Variants in ARHGAP23 observed in about 807,000 individuals in gnomAD.
ARHGAP23 encodes the protein rho GTPase-activating protein 23.
A neutral mutation model predicts 136.3 loss-of-function variants in ARHGAP23; 34 were observed. The observed-to-expected ratio is 0.25, with a 90% confidence interval of 0.19 to 0.33. The LOEUF is 0.33. ARHGAP23 is among the 10% of genes least tolerant of loss of function. The probability of loss-of-function intolerance (pLI) is 1.00; values close to 1 mark genes in which losing one functional copy is unlikely to be tolerated. For missense variants in ARHGAP23, 1,808 were observed against 2,139.0 expected (o/e 0.85, Z 3.05); for synonymous variants, 832 against 920.5 (o/e 0.90, Z 1.74).
intron 17 of ARHGAP23, among the ~76,000 whole-genome samples, chr17:38,486,963 C>T (rs1441187894): frequency 1.3e-5 from 2 of 152,274 alleles, no homozygotes; most frequent in East Asian, 3.9e-4. Context: ...TGGGTGGGTT[C>T]AGGGGTGTGC....
intron 1 of ARHGAP23, among the ~76,000 whole-genome samples, chr17:38,436,990 C>T (rs2038811977): frequency 6.6e-6 from 1 of 152,148 alleles, no homozygotes; most frequent in Non-Finnish European, 1.5e-5. Context: ...CTATCATTAA[C>T]CTGAGGATTC....
intron 1 of ARHGAP23, among the ~76,000 whole-genome samples, chr17:38,432,116 C>T (rs1406060440): frequency 1.3e-5 from 2 of 152,334 alleles, no homozygotes; most frequent in East Asian, 3.9e-4. Context: ...CTGTGATGTT[C>T]CATCTCATAT....
At chr17:38,447,430 T>A (rs1597759810) in intron 1 of ARHGAP23, among the ~76,000 whole-genome samples, 1 of 48,996 alleles carries the variant, frequency 2.0e-5, no homozygotes, top group South Asian at 9.6e-4. Flanking sequence ...CAACAGAGAC[T>A]CCGTCTGAAA....
At chr17:38,469,416 G>A (rs2039690476) in intron 8 of ARHGAP23, 108 bp from the exon 9 acceptor site, 7 of 1,461,274 alleles carry the variant, frequency 4.8e-6, no homozygotes, top group Non-Finnish European at 4.6e-6. Flanking sequence ...CTTCTCCTGC[G>A]GCCCCTTGGG....
At chr17:38,493,555 C>T (rs1440027066) in intron 20 of ARHGAP23, among the ~76,000 whole-genome samples, 1 of 152,212 alleles carries the variant, frequency 6.6e-6, no homozygotes, top group African/African-American at 2.4e-5. Context: ...TCCTTCCCTT[C>T]TCTGCCTCCT....
chr17:38,447,795 A>C (rs1244049469), intron 1 of ARHGAP23, among the ~76,000 whole-genome samples: 2 of 152,178 alleles, frequency 1.3e-5, no homozygotes, highest in Non-Finnish European at 2.9e-5. Flanking sequence ...TGGGTAAATC[A>C]GGGGTACGGA....
chr17:38,510,041 C>G lies in ARHGAP23; in HGVS notation c.3545C>G (p.Ala1182Gly). 1 of 1,243,944 alleles carries G rather than the reference C, an allele frequency of 8.0e-7. No homozygotes were observed. The highest frequency in any genetic ancestry group is 1.0e-6 in the Non-Finnish European group (1 of 994,558). The allele number at this position is 1,243,944 out of a possible 1,614,324, so 77.1% of individuals were successfully genotyped here. A position where few individuals can be genotyped will look rare whatever the true frequency, so the allele number is the denominator to read the frequency against. Reference protein sequence around the residue: ...VNRKRKKRREARGLGSSTDDD... With the variant: ...VNRKRKKRREGRGLGSSTDDD... ...CGCAAGCGCAAGAAGCGGCGGGAGG[C>G]GCGGGGGCTGGGCAGCAGCACCGAC... Residue 1182 changes from alanine (A) to glycine (G), a missense_variant, in exon 24 of 24, where the codon GCG becomes GGG. Ala to Gly is a moderately conservative substitution (Grantham distance 60). This residue lies in a region of ARHGAP23 where 104 missense variants were observed against 131.8 expected (regional missense o/e 0.79). Transcript: ENST00000622683. This position sits in a 1 kb window ranked among gnomAD's most constrained non-coding sequence, Gnocchi z 4.6.
At chr17:38,457,420 T>A (rs2039352479) in intron 1 of ARHGAP23, 1 of 153,412 alleles carries the variant, frequency 6.5e-6, no homozygotes, top group East Asian at 1.9e-4. Flanking sequence ...TGTGTGCCGG[T>A]CTGCTGTGCA....
In ARHGAP23 at chr17:38,466,623, A is replaced by G; in HGVS notation, c.940A>G (p.Ser314Gly). 7 of 1,516,074 alleles carry G rather than the reference A, an allele frequency of 4.6e-6. No individual in the cohort carries two copies. The highest frequency in any genetic ancestry group is 6.2e-6 in the Non-Finnish European group (7 of 1,136,944). The allele number at this position is 1,516,074 out of a possible 1,614,324, so 93.9% of individuals were successfully genotyped here. A position where few individuals can be genotyped will look rare whatever the true frequency, so the allele number is the denominator to read the frequency against. ...CCCAGCCATGGCCCCCCGGGCCCGC[A>G]GCGCCTCCCAGGACCGGTTGGAGGA... ...RCPAMAPRAR[S>G]ASQDRLEEVA... Residue 314 changes from serine (S) to glycine (G), a missense_variant, in exon 7 of 24, where the codon AGC (serine) becomes GGC (glycine). Around this residue, in one of 7 missense-constraint regions of ARHGAP23, gnomAD observed 859 missense variants for 936.4 expected, o/e 0.92. Coordinates refer to ENST00000622683, the MANE Select transcript of ARHGAP23 (RefSeq NM_001199417.2).
intron 2 of ARHGAP23, among the ~76,000 whole-genome samples, chr17:38,458,971 C>T (rs910256483): frequency 2.6e-5 from 4 of 152,202 alleles, no homozygotes; most frequent in Admixed American, 6.5e-5. Flanking sequence ...ACCAGGGGTC[C>T]TGACCCCAAT....
chr17:38,484,685 C>T (rs1227213970), intron 16 of ARHGAP23, among the ~76,000 whole-genome samples: 2 of 152,130 alleles, frequency 1.3e-5, no homozygotes, highest in Non-Finnish European at 2.9e-5. Flanking sequence ...GCAGGAGCCG[C>T]ACTGGGTGTG....
At chr17:38,445,792 G>A (rs1457521379) in intron 1 of ARHGAP23, among the ~76,000 whole-genome samples, 1 of 151,754 alleles carries the variant, frequency 6.6e-6, no homozygotes, top group East Asian at 1.9e-4. Context: ...ATGCTACCAC[G>A]CTCTGCTATT....
intron 1 of ARHGAP23, chr17:38,453,869 T>C (rs1226299168): frequency 1.4e-5 from 2 of 143,304 alleles, no homozygotes; most frequent in African/African-American, 5.0e-5. Flanking sequence ...GCCGGGCGCC[T>C]AGCAGCGGCC....
rs1226412817 is a variant in ARHGAP23 at position 38,509,957 on chromosome 17, C to T, written c.3461C>T (p.Pro1154Leu). 4.8e-6 allele frequency: 6 copies of T among 1,250,730 alleles called. No individual in the cohort carries two copies. Among genetic ancestry groups the T allele is most frequent in the Non-Finnish European group, 6.0e-6 (6 of 991,892 alleles). The allele number at this position is 1,250,730 out of a possible 1,614,324, so 77.5% of individuals were successfully genotyped here. ...TCTCCCACACAGGGTTCGTGGGCCC[C>T]CAAGAAGGAGCCGTACGCCCGGGAG... ...SSAKSKGSWA[P>L]KKEPYAREML... Residue 1154 changes from proline to leucine, a missense_variant, in exon 24 of 24, where the codon CCC (proline) becomes CTC (leucine). Physicochemically the swap from Pro to Leu is moderately conservative, Grantham distance 98. Transcript: ENST00000622683.
intron 20 of ARHGAP23, chr17:38,491,734 T>G (rs2040283216): frequency 1.4e-6 from 1 of 711,370 alleles, no homozygotes; most frequent in Admixed American, 2.9e-5. Flanking sequence ...CTGGAATCCC[T>G]GCTGCCCTGG....
intron 2 of ARHGAP23, among the ~76,000 whole-genome samples, chr17:38,459,190 ATTGGGGGACTCCCCC>A (rs1267564985): frequency 6.6e-6 from 1 of 152,112 alleles, no homozygotes; most frequent in Non-Finnish European, 1.5e-5. Context: ...CTGTACAGCT[ATTGGGGGACTCCCCC>A]TTGGTCCCAC....
intron 11 of ARHGAP23, among the ~76,000 whole-genome samples, chr17:38,473,393 C>T (rs951893876): frequency 6.6e-6 from 1 of 152,150 alleles, no homozygotes; most frequent in Non-Finnish European, 1.5e-5. Flanking sequence ...ACCCCACTTA[C>T]CTTCCCTGAG....
Position 38,466,824 on chromosome 17 carries a change from G to A in ARHGAP23, c.1141G>A (p.Ala381Thr). The change falls in exon 7 of 24, where the codon GCT (alanine) becomes ACT (threonine). Residue 381 changes from alanine to threonine, a missense_variant. Around this residue, in one of 7 missense-constraint regions of ARHGAP23, gnomAD observed 859 missense variants for 936.4 expected, o/e 0.92. Coordinates refer to ENST00000622683, the MANE Select transcript of ARHGAP23 (RefSeq NM_001199417.2). Reference protein sequence around the residue: ...VSPRFERCGWASQRSSARTPA... With the variant: ...VSPRFERCGWTSQRSSARTPA... ...ACCCCGCTTTGAGCGGTGTGGCTGG[G>A]CTTCCCAGCGTTCGTCTGCCCGCAC... 6 of 1,548,768 alleles carry A rather than the reference G, an allele frequency of 3.9e-6. No individual in the cohort carries two copies. Among genetic ancestry groups the A allele is most frequent in the Non-Finnish European group, 5.2e-6 (6 of 1,146,532 alleles).
Position 38,510,423 on chromosome 17 carries a change from G to T in ARHGAP23, c.3927G>T (p.Ser1309=). The T allele has an allele frequency of 1.6e-6, 2 of 1,236,798 alleles. No individual in the cohort carries two copies. The highest frequency in any genetic ancestry group is 3.1e-4 in the Middle Eastern group (1 of 3,274). The allele number at this position is 1,236,798 out of a possible 1,614,324, so 76.6% of individuals were successfully genotyped here. The change falls in exon 24 of 24, where the codon TCG becomes TCT. Residue 1309 remains serine, a synonymous_variant. Transcript: ENST00000622683. The surrounding 1 kb of genome is among the most constrained non-coding windows in gnomAD (Gnocchi z 4.6). ...TGACACGCCGGCCGTCCTTCAGCTC[G>T]CACCACCTCATGCCCTGCGACACTC... is the stretch of plus-strand genomic sequence containing the variant. ...GRLTRRPSFS[S]HHLMPCDTLA... is the part of the protein sequence containing the mutation.
Sources: allele counts gnomAD v4.1 joint callset (sites outside exome capture counted in the v4.1 genomes callset), GRCh38; gene constraint gnomAD v4.1.1; regional missense constraint gnomAD v4.1.1; non-coding constraint Gnocchi (gnomAD v3.1); transcripts MANE v1.5; gene names NCBI Gene and HGNC (gene_info 2026-07-23, HGNC 2026-07-21).